The following PKNOX2 variants were observed in gnomAD, a reference collection of about 807,000 sequenced individuals.
PKNOX2 encodes homeobox protein PKNOX2.
In PKNOX2, 14 loss-of-function variants were observed where a neutral mutation model predicts 53.1. The observed-to-expected ratio is 0.26, with a 90% CI of 0.17 to 0.41. The LOEUF (loss-of-function observed/expected upper bound fraction) is 0.41. Ranked by LOEUF, PKNOX2 falls within the 10% of genes least tolerant of loss-of-function variation. The pLI, the probability that PKNOX2 is intolerant of heterozygous loss-of-function variation, is 1.00. For synonymous variants in PKNOX2, 257 were observed against 242.8 expected, an observed-to-expected ratio of 1.06 and a Z score of -0.54; for missense variants, 496 against 602.8, an observed-to-expected ratio of 0.82 and a Z score of 1.85.
chr11:125,219,361 C>T (rs1940887892), intron 1 of PKNOX2, among the ~76,000 whole-genome samples: 1 of 151,798 alleles, frequency 6.6e-6, no homozygotes, highest in African/African-American at 2.4e-5. Flanking sequence ...TCTCTTGAAC[C>T]TGGGAGGCAG....
At chr11:125,342,993 G>A (rs1021761660) in intron 3 of PKNOX2, among the ~76,000 whole-genome samples, 5 of 152,136 alleles carry the variant, frequency 3.3e-5, no homozygotes, top group Admixed American at 1.3e-4. Context: ...GGGCTGGAGA[G>A]GAAAACAAAA....
At chr11:125,254,760 G>A (rs1397020513) in intron 2 of PKNOX2, among the ~76,000 whole-genome samples, 1 of 152,210 alleles carries the variant, frequency 6.6e-6, no homozygotes, top group Non-Finnish European at 1.5e-5. Flanking sequence ...CCAGAGCTGA[G>A]CCCTGTTCCC....
chr11:125,220,186 C>A (rs1043174837), intron 1 of PKNOX2, among the ~76,000 whole-genome samples: 8 of 152,090 alleles, frequency 5.3e-5, no homozygotes, highest in Admixed American at 1.3e-4. Flanking sequence ...AAACAAGAAT[C>A]TATATTTGTA....
intron 6 of PKNOX2, among the ~76,000 whole-genome samples, chr11:125,392,614 G>T: frequency 6.6e-6 from 1 of 152,124 alleles, no homozygotes; most frequent in East Asian, 1.9e-4. Context: ...TATTTTATTT[G>T]AGCAAAGCTC....
chr11:125,284,818 T>C (rs1946795554), intron 2 of PKNOX2, among the ~76,000 whole-genome samples: 2 of 152,132 alleles, frequency 1.3e-5, no homozygotes, highest in South Asian at 4.1e-4. Flanking sequence ...GCCCCCCTGC[T>C]GTCCTCCACC....
chr11:125,289,909 G>A (rs113966919), intron 2 of PKNOX2, among the ~76,000 whole-genome samples: 57 of 152,274 alleles, frequency 3.7e-4, no homozygotes, highest in Admixed American at 2.6e-3. Flanking sequence ...TAATCAGCCC[G>A]CAGCAGCAGC....
chr11:125,233,072 T>C (rs1942369169), intron 1 of PKNOX2, among the ~76,000 whole-genome samples: 1 of 152,216 alleles, frequency 6.6e-6, no homozygotes, highest in Non-Finnish European at 1.5e-5. Flanking sequence ...AATTATTTCA[T>C]TGGTAGTTGT....
chr11:125,189,413 ATGTGTGTGTGTGTG>A (rs776327891), intron 1 of PKNOX2, among the ~76,000 whole-genome samples: 25 of 65,174 alleles, frequency 3.8e-4, no homozygotes, highest in South Asian at 1.3e-3. Context: ...GTATATATAT[ATGTGTGTGTGTGTG>A]TGTGTGTGTG....
intron 3 of PKNOX2, among the ~76,000 whole-genome samples, chr11:125,343,081 A>G (rs1950785091): frequency 6.6e-6 from 1 of 151,996 alleles, no homozygotes; most frequent in Non-Finnish European, 1.5e-5. Context: ...AGAGCACCCC[A>G]GGGCAGCAGC....
chr11:125,174,405 T>C (rs756815527), intron 1 of PKNOX2, among the ~76,000 whole-genome samples: 3 of 152,220 alleles, frequency 2.0e-5, no homozygotes, highest in Non-Finnish European at 4.4e-5. Context: ...GAACAAGCTA[T>C]ATGACCTTGA....
At chr11:125,298,607 C>T (rs114446868) in intron 2 of PKNOX2, among the ~76,000 whole-genome samples, 2,856 of 152,296 alleles carry the variant, frequency 0.019, 103 homozygotes, top group African/African-American at 0.064. Context: ...CTCCAGGCCC[C>T]CAGTTCTGAG....
chr11:125,395,306 TTATC>T (rs1164717806), intron 6 of PKNOX2, among the ~76,000 whole-genome samples: 1 of 152,242 alleles, frequency 6.6e-6, no homozygotes, highest in African/African-American at 2.4e-5. Context: ...TACAGTTTCT[TTATC>T]CATTCACCCA....
In PKNOX2 at chr11:125,432,552, C is replaced by G. The variant is rs554863553; in HGVS notation, c.*1160C>G. The G allele has an allele frequency of 6.5e-6, 1 of 152,846 alleles. No individual in the cohort carries two copies. The highest frequency in any genetic ancestry group is 1.9e-4 in the East Asian group (1 of 5,176). 9.5% of individuals were successfully genotyped at this position (152,846 alleles called of 1,614,324 possible). On this transcript the variant is annotated 3_prime_UTR_variant, in exon 13 of 13. Transcript: ENST00000298282. ...GGGCCCAGAGAATGGCACCCAAGAG[C>G]CTGCGGGGATGCCCATCCCACACAC...
chr11:125,413,516 C>T (rs1955687841), intron 10 of PKNOX2, among the ~76,000 whole-genome samples: 1 of 152,198 alleles, frequency 6.6e-6, no homozygotes, highest in Admixed American at 6.5e-5. Flanking sequence ...AAAGCACCAC[C>T]CGCTCCCAAC....
At chr11:125,406,948 C>T (rs972544337) in intron 7 of PKNOX2, among the ~76,000 whole-genome samples, 12 of 103,316 alleles carry the variant, frequency 1.2e-4, no homozygotes, top group African/African-American at 1.5e-4. Context: ...AAAAAAAAAG[C>T]ACACTCAAGG....
chr11:125,312,885 T>C (rs756547330), intron 2 of PKNOX2, among the ~76,000 whole-genome samples: 60 of 151,884 alleles, frequency 4.0e-4, no homozygotes, highest in Non-Finnish European at 7.4e-4. Flanking sequence ...GTGGCACAAG[T>C]AGATAAGGTA....
chr11:125,363,462 G>A (rs753389648), intron 4 of PKNOX2, among the ~76,000 whole-genome samples: 5 of 152,170 alleles, frequency 3.3e-5, no homozygotes, highest in Non-Finnish European at 5.9e-5. Flanking sequence ...ACCCAGGGCC[G>A]GATCCTCTGC....
At chr11:125,397,575 T>A (rs1237092254) in intron 6 of PKNOX2, among the ~76,000 whole-genome samples, 2 of 152,140 alleles carry the variant, frequency 1.3e-5, no homozygotes, top group Non-Finnish European at 2.9e-5. Context: ...GGACCTGGCC[T>A]CCCATCGCTA....
At chr11:125,201,953 G>A (rs368483540) in intron 1 of PKNOX2, among the ~76,000 whole-genome samples, 107 of 152,312 alleles carry the variant, frequency 7.0e-4, no homozygotes, top group Middle Eastern at 6.8e-3. Flanking sequence ...GTCTGGTGGA[G>A]CCCCAGCCTC....
Sources: gnomAD v4.1 joint callset for allele counts (sites outside exome capture counted in the v4.1 genomes callset) on GRCh38, gnomAD v4.1.1 for gene constraint, MANE v1.5 for transcripts, NCBI Gene and HGNC (gene_info 2026-07-23, HGNC 2026-07-21) for gene names.